Variants in LRRD1 observed in about 807,000 individuals in gnomAD.
LRRD1 encodes the protein leucine rich repeats and death domain containing 1.
LRRD1 carries 49 observed loss-of-function variants against 69.5 expected under a neutral mutation model. The observed-to-expected ratio is 0.70, with a 90% confidence interval of 0.56 to 0.89. The LOEUF is 0.89. Among genes scored for constraint, LRRD1 ranks in the 40% least tolerant of loss-of-function variants. The pLI, the probability that LRRD1 is intolerant of heterozygous loss-of-function variation, is 0.00. For synonymous variants in LRRD1, 303 were observed against 338.9 expected (o/e 0.89, Z 1.16); for missense variants, 853 against 956.0 (o/e 0.89, Z 1.42).
intron 1 of LRRD1, among the ~76,000 whole-genome samples, chr7:92,172,684 T>C (rs1254245982): frequency 6.6e-6 from 1 of 151,802 alleles, no homozygotes; most frequent in African/African-American, 2.4e-5. Flanking sequence ...ATGAAAAAAA[T>C]TGAAGAGGAC....
chr7:92,146,647 G>A (rs545771925), intron 4 of LRRD1, among the ~76,000 whole-genome samples: 23 of 133,356 alleles, frequency 1.7e-4, no homozygotes, highest in Non-Finnish European at 3.0e-4. Flanking sequence ...ACAGCCATGC[G>A]CGGTGGCTCA....
rs2131009454 is a variant in LRRD1 at position 92,164,781 on chromosome 7, G to T, written c.422C>A (p.Ala141Glu). 1 of 1,551,478 alleles carries T rather than the reference G, an allele frequency of 6.4e-7. No individual in the cohort carries two copies. The highest frequency in any genetic ancestry group is 8.7e-7 in the Non-Finnish European group (1 of 1,146,892). Residue 141 changes from alanine to glutamate, a missense_variant, in exon 2 of 6, where the codon GCA becomes GAA. Physicochemically the swap from Ala to Glu is moderately radical, Grantham distance 107. Around this residue, in one of 3 missense-constraint regions of LRRD1, gnomAD observed 739 missense variants for 808.0 expected, o/e 0.91. Coordinates refer to ENST00000458448, the MANE Select transcript of LRRD1 (RefSeq NM_001161528.2). ...CTCAAGGTTAACTGTAAAGTTATCT[G>T]CCCCTAGGCCAAGTTGTTTCTGATT... ...EENQKQLGLGADNFTVNLEAK... is the reference protein window; with the variant it reads ...EENQKQLGLGEDNFTVNLEAK...
downstream of LRRD1, among the ~76,000 whole-genome samples, chr7:92,143,306 G>A (rs1012195343): frequency 1.3e-5 from 2 of 152,118 alleles, no homozygotes; most frequent in African/African-American, 4.8e-5. Context: ...GACTTCACCC[G>A]GTGGATCCCG....
At chr7:92,167,181 C>T (rs915632059) in intron 1 of LRRD1, among the ~76,000 whole-genome samples, 3 of 151,524 alleles carry the variant, frequency 2.0e-5, no homozygotes, top group African/African-American at 4.9e-5. Flanking sequence ...CTGCAACCTC[C>T]GACTCCCTGG....
At position 92,169,764 on chromosome 7, in the gene LRRD1, G is replaced by A. The variant is rs1326709449; in HGVS notation, c.-74-4488C>T. ...AAAGAATAAGTGAGCTCAAAGACAG[G>A]CCATTTGAAAATACTCAAAGAAGGC... On this transcript the variant is annotated intron_variant, in intron 1 of 5. Transcript: ENST00000458448. Among the ~76,000 whole-genome samples the A allele has an allele frequency of 2.0e-5, 3 of 151,840 alleles. No homozygotes were observed. The East Asian group carries it at 5.8e-4, about 29-fold the overall frequency.
Position 92,163,834 on chromosome 7 carries a change from G to T in LRRD1, c.1369C>A (p.Pro457Thr). 6.7e-7 allele frequency: 1 copy of T among 1,499,730 alleles called. No homozygotes were observed. The highest frequency in any genetic ancestry group is 1.3e-5 in the South Asian group (1 of 74,404). The allele number at this position is 1,499,730 out of a possible 1,614,324, so 92.9% of individuals were successfully genotyped here. A position where few individuals can be genotyped will look rare whatever the true frequency, so the allele number is the denominator to read the frequency against. ...TTTTGGCAGTTTTTTATTTCAATGG[G>T]AACATCTGTGATTATGTTTCCTGAA... ...EFSGNIITDVPIEIKNCQKII... is the reference protein window; with the variant it reads ...EFSGNIITDVTIEIKNCQKII... The change falls in exon 2 of 6, where the codon CCC becomes ACC. Residue 457 changes from proline (P) to threonine (T), a missense_variant. By Grantham distance (38) the Pro-to-Thr change is conservative (BLOSUM62 -1). Coordinates refer to ENST00000458448, the MANE Select transcript of LRRD1 (RefSeq NM_001161528.2).
chr7:92,145,873 A>C (rs1584648133), intron 5 of LRRD1, among the ~76,000 whole-genome samples: 1 of 152,242 alleles, frequency 6.6e-6, no homozygotes, highest in African/African-American at 2.4e-5. Flanking sequence ...GCCAGTTGTG[A>C]GTAAAAGTCA....
intron 1 of LRRD1, among the ~76,000 whole-genome samples, chr7:92,173,840 A>T (rs142605074): frequency 6.6e-6 from 1 of 152,236 alleles, no homozygotes; most frequent in African/African-American, 2.4e-5. Flanking sequence ...TATATCCAAA[A>T]TAAAGAAAAT....
In LRRD1 at chr7:92,154,335, G is replaced by A. The variant is rs149766237; in HGVS notation, c.2117-3640C>T. Among the ~76,000 whole-genome samples, 449 of 152,178 alleles carry A rather than the reference G, an allele frequency of 3.0e-3. 3 individuals are homozygous for A. The highest frequency in any genetic ancestry group is 0.01 in the African/African-American group (427 of 41,520). Reference sequence around the variant, plus strand: ...GCTCATTGCAGCCTCAGCCTCATGGGTTCAAGTGATCCTCCCACCTCAGCC... The same window carrying A: ...GCTCATTGCAGCCTCAGCCTCATGGATTCAAGTGATCCTCCCACCTCAGCC... On this transcript the variant is annotated intron_variant, in intron 3 of 5. Coordinates refer to ENST00000458448, the MANE Select transcript of LRRD1 (RefSeq NM_001161528.2).
intron 3 of LRRD1, among the ~76,000 whole-genome samples, chr7:92,157,617 T>C (rs1788693079): frequency 6.6e-6 from 1 of 151,962 alleles, no homozygotes; most frequent in Non-Finnish European, 1.5e-5. Flanking sequence ...TCGCCCAGGC[T>C]GGAGTGCAGT....
downstream of LRRD1, among the ~76,000 whole-genome samples, chr7:92,143,847 G>A (rs575796357): frequency 2.3e-4 from 35 of 152,376 alleles, no homozygotes; most frequent in African/African-American, 7.7e-4. Flanking sequence ...CGCCGAGAGC[G>A]AGCGAGGGCT....
At chr7:92,174,696 T>C (rs1279573363) in intron 1 of LRRD1, among the ~76,000 whole-genome samples, 2 of 149,574 alleles carry the variant, frequency 1.3e-5, no homozygotes, top group Non-Finnish European at 1.5e-5. Context: ...TTAGTAGAGA[T>C]GGGGTTTCAC....
chr7:92,147,682 C>T (rs965973482), intron 4 of LRRD1, among the ~76,000 whole-genome samples: 1 of 151,960 alleles, frequency 6.6e-6, no homozygotes, highest in Non-Finnish European at 1.5e-5. Flanking sequence ...ATTAAAACTT[C>T]CAGCTAATTT....
At position 92,164,039 on chromosome 7, in the gene LRRD1, T is replaced by C. The variant is rs767835915; in HGVS notation, c.1164A>G (p.Pro388=). ...ILDKNLLKNI[P]EKISCCAMLE... is the part of the protein sequence containing the mutation. Reference sequence around the variant, plus strand: ...ACATTGCACAGCAAGATATTTTCTCTGGTATATTTTTCAATAAATTTTTAT... The same window carrying C: ...ACATTGCACAGCAAGATATTTTCTCCGGTATATTTTTCAATAAATTTTTAT... The change falls in exon 2 of 6, where the codon CCA becomes CCG. Residue 388 remains proline, a synonymous_variant. Coordinates refer to ENST00000458448, the MANE Select transcript of LRRD1 (RefSeq NM_001161528.2). 107 of 1,539,874 alleles carry C rather than the reference T, an allele frequency of 6.9e-5. No homozygotes were observed. The highest frequency in any genetic ancestry group is 8.3e-5 in the Non-Finnish European group (95 of 1,143,006).
At chr7:92,152,959 C>T (rs2130990480) in intron 3 of LRRD1, among the ~76,000 whole-genome samples, 1 of 152,174 alleles carries the variant, frequency 6.6e-6, no homozygotes, top group South Asian at 2.1e-4. Context: ...TGAGCCACCG[C>T]GCCCAGCCTA....
At chr7:92,149,142 C>G (rs1820405859) in intron 4 of LRRD1, among the ~76,000 whole-genome samples, 1 of 152,124 alleles carries the variant, frequency 6.6e-6, no homozygotes, top group Admixed American at 6.6e-5. Flanking sequence ...ATTTTAGGTT[C>G]CTTTATCAAT....
chr7:92,176,569 T>C (rs1437686048), intron 1 of LRRD1, among the ~76,000 whole-genome samples: 6 of 149,810 alleles, frequency 4.0e-5, no homozygotes. Context: ...TCTCTCATTT[T>C]TTTTTTTTTT....
In LRRD1 at chr7:92,146,218, A is replaced by T; in HGVS notation, c.2279-18T>A. ...AATTTTCTCTACGTTTGAACATAAA[A>T]TAAAATGTATATCTTTTGAAAAAGA... On this transcript the variant is annotated intron_variant, in intron 4 of 5. Transcript: ENST00000458448. 8.7e-7 allele frequency: 1 copy of T among 1,151,306 alleles called. No individual in the cohort carries two copies. Among genetic ancestry groups the T allele is most frequent in the Non-Finnish European group, 1.2e-6 (1 of 810,410 alleles). 71.3% of individuals were successfully genotyped at this position (1,151,306 alleles called of 1,614,324 possible).
chr7:92,162,474 G>C (rs767883322), intron 2 of LRRD1, among the ~76,000 whole-genome samples: 4 of 151,996 alleles, frequency 2.6e-5, no homozygotes, highest in African/African-American at 9.7e-5. Context: ...TGTTTACTAA[G>C]ATCTTCATAT....
Sources: gnomAD v4.1 joint callset for allele counts (sites outside exome capture counted in the v4.1 genomes callset) on GRCh38, gnomAD v4.1.1 for gene constraint, gnomAD v4.1.1 regional missense constraint, MANE v1.5 for transcripts, NCBI Gene and HGNC (gene_info 2026-07-23, HGNC 2026-07-21) for gene names.